Variants in AUTS2 observed in about 807,000 individuals in gnomAD.
AUTS2 encodes autism susceptibility gene 2 protein.
Under a neutral mutation model 112.4 loss-of-function variants are expected in AUTS2, and 17 were observed. The observed-to-expected ratio is 0.15, with a 90% CI of 0.10 to 0.23. The LOEUF is 0.23. AUTS2 is among the 10% of genes least tolerant of loss of function. AUTS2 has a pLI of 1.00. For synonymous variants in AUTS2, 751 were observed against 702.7 expected (o/e 1.07, Z -1.09); for missense variants, 1,510 against 1,701.6 (o/e 0.89, Z 1.98).
intron 2 of AUTS2, among the ~76,000 whole-genome samples, chr7:70,017,174 A>G (rs543014357): frequency 1.3e-5 from 2 of 152,356 alleles, no homozygotes; most frequent in East Asian, 3.9e-4. Flanking sequence ...ACCAAATCAG[A>G]GGAATGAAAT....
chr7:69,630,380 G>T (rs1156495841), intron 1 of AUTS2, among the ~76,000 whole-genome samples: 3 of 152,236 alleles, frequency 2.0e-5, no homozygotes, highest in Non-Finnish European at 4.4e-5. Context: ...GTCGGAACTT[G>T]TCAGGAAGAC....
intron 2 of AUTS2, among the ~76,000 whole-genome samples, chr7:69,976,430 G>A (rs918273151): frequency 2.0e-5 from 3 of 152,102 alleles, no homozygotes; most frequent in Admixed American, 2.0e-4. Flanking sequence ...CCACCTCTTG[G>A]CTATTGTGAA....
chr7:70,344,196 G>GC (rs1791395298), intron 4 of AUTS2, among the ~76,000 whole-genome samples: 1 of 152,092 alleles, frequency 6.6e-6, no homozygotes, highest in African/African-American at 2.4e-5. Context: ...GGCTTGAAAA[G>GC]CAAGTAGATA....
chr7:70,519,076 A>T (rs1282901171), intron 5 of AUTS2, among the ~76,000 whole-genome samples: 1 of 152,138 alleles, frequency 6.6e-6, no homozygotes, highest in Non-Finnish European at 1.5e-5. Context: ...AAATCAAAAC[A>T]CTAAAAGCCT....
At chr7:70,634,499 G>T (rs1419934730) in intron 5 of AUTS2, among the ~76,000 whole-genome samples, 1 of 152,168 alleles carries the variant, frequency 6.6e-6, no homozygotes, top group African/African-American at 2.4e-5. Flanking sequence ...GATTTAAGCT[G>T]CACGGGCTGG....
intron 5 of AUTS2, among the ~76,000 whole-genome samples, chr7:70,592,768 G>A (rs1014594215): frequency 1.3e-5 from 2 of 152,130 alleles, no homozygotes; most frequent in East Asian, 3.9e-4. Flanking sequence ...ATACAATAGG[G>A]GTGTCATTAA....
At chr7:70,778,367 G>A (rs998329885) in intron 14 of AUTS2, among the ~76,000 whole-genome samples, 1 of 152,166 alleles carries the variant, frequency 6.6e-6, no homozygotes, top group Non-Finnish European at 1.5e-5. Context: ...GCATTTGGGA[G>A]TTCTCATGAA....
chr7:70,605,546 C>CTTTTTTTTTTTTTTTTTTTTTTT, intron 5 of AUTS2, among the ~76,000 whole-genome samples: 23 of 70,678 alleles, frequency 3.3e-4, no homozygotes, highest in Admixed American at 1.1e-3. Context: ...CCTTCTTTCT[C>CTTTTTTTTTTTTTTTTTTTTTTT]TTTTTTTTTT....
chr7:70,359,949 A>G (rs1792184325), intron 4 of AUTS2, among the ~76,000 whole-genome samples: 1 of 152,192 alleles, frequency 6.6e-6, no homozygotes, highest in African/African-American at 2.4e-5. Context: ...GTCAGTTGCC[A>G]CTTATTTTTG....
intron 1 of AUTS2, among the ~76,000 whole-genome samples, chr7:69,878,011 T>G (rs1025989579): frequency 2.6e-5 from 4 of 152,100 alleles, no homozygotes; most frequent in African/African-American, 7.2e-5. Flanking sequence ...GAAGTGGCCA[T>G]GCCATAGATG....
intron 4 of AUTS2, among the ~76,000 whole-genome samples, chr7:70,166,194 T>G (rs1808371996): frequency 6.6e-6 from 1 of 152,218 alleles, no homozygotes; most frequent in Non-Finnish European, 1.5e-5. Flanking sequence ...TTTATAGCAG[T>G]GTGAGAATGG....
intron 4 of AUTS2, among the ~76,000 whole-genome samples, chr7:70,197,511 G>C (rs990370611): frequency 2.3e-4 from 30 of 133,330 alleles, no homozygotes; most frequent in Middle Eastern, 3.4e-3. Context: ...GAAGCAGGGC[G>C]AGGCATTGCC....
intron 10 of AUTS2, among the ~76,000 whole-genome samples, chr7:70,769,359 A>G (rs1790173776): frequency 1.3e-5 from 2 of 152,200 alleles, no homozygotes; most frequent in East Asian, 3.9e-4. Context: ...CCCTTAGTCT[A>G]TACTCTGCTG....
intron 4 of AUTS2, among the ~76,000 whole-genome samples, chr7:70,172,952 T>C (rs1259613470): frequency 1.3e-5 from 2 of 152,208 alleles, no homozygotes; most frequent in East Asian, 3.8e-4. Flanking sequence ...TGCGATTACA[T>C]TTTTTGATAC....
intron 2 of AUTS2, among the ~76,000 whole-genome samples, chr7:70,028,240 A>T (rs1353730501): frequency 1.3e-5 from 2 of 151,912 alleles, no homozygotes; most frequent in Non-Finnish European, 2.9e-5. Context: ...AGTTTAGTTC[A>T]CGCATTACTC....
intron 4 of AUTS2, chr7:70,194,781 G>A (rs1460451579): frequency 6.6e-6 from 1 of 152,218 alleles, no homozygotes. Context: ...GAAGCTAAAT[G>A]TCAAATGTAA....
rs569974137 is a variant in AUTS2, at chr7:69,969,248, A to G, written c.522+69750A>G. Among the ~76,000 whole-genome samples, 3 of 152,304 alleles carry G rather than the reference A, an allele frequency of 2.0e-5. No homozygotes were observed. In the South Asian group the frequency reaches 6.2e-4, roughly 32 times the overall value. ...ATGTGAAAAGGGGAAAAGCATTTCC[A>G]GAAATGATTGTCATAAAAAGAAAAA... On this transcript the variant is annotated intron_variant, in intron 2 of 18. Transcript: ENST00000342771.
chr7:69,909,795 A>T (rs776340005), intron 2 of AUTS2, among the ~76,000 whole-genome samples: 1 of 152,334 alleles, frequency 6.6e-6, no homozygotes, highest in South Asian at 2.1e-4. Context: ...AACAGTAGGT[A>T]GCATTCTTTT....
intron 5 of AUTS2, among the ~76,000 whole-genome samples, chr7:70,698,100 T>A (rs1348432572): frequency 6.6e-6 from 1 of 152,122 alleles, no homozygotes; most frequent in Non-Finnish European, 1.5e-5. Flanking sequence ...TAAAAAAAAA[T>A]TAATTTCTGG....
Sources: allele counts gnomAD v4.1 joint callset (sites outside exome capture counted in the v4.1 genomes callset), GRCh38; gene constraint gnomAD v4.1.1; transcripts MANE v1.5; gene names NCBI Gene and HGNC (gene_info 2026-07-23, HGNC 2026-07-21).